The following POU6F2 variants were observed in gnomAD, a reference collection of about 807,000 sequenced individuals.
POU6F2 encodes POU domain, class 6, transcription factor 2.
In POU6F2, 31 loss-of-function variants were observed where a neutral mutation model predicts 71.3. The ratio of observed to expected loss-of-function variants is 0.43; its 90% CI spans 0.33 to 0.59. POU6F2 has a LOEUF of 0.59. Among genes scored for constraint, POU6F2 ranks in the 20% least tolerant of loss-of-function variants. The probability of loss-of-function intolerance (pLI) is 0.04; values close to 1 mark genes in which losing one functional copy is unlikely to be tolerated. For synonymous variants in POU6F2, 347 were observed against 355.7 expected, an observed-to-expected ratio of 0.98 and a Z score of 0.27; for missense variants, 783 against 856.8, an observed-to-expected ratio of 0.91 and a Z score of 1.07.
chr7:39,187,906 A>G (rs10235824), intron 2 of POU6F2, among the ~76,000 whole-genome samples: 141,289 of 152,254 alleles, frequency 0.93, 65,673 homozygotes, highest in East Asian at 1. Flanking sequence ...CTTACATATT[A>G]GCCATATGAG....
chr7:39,394,393 G>A (rs555099904), intron 5 of POU6F2, among the ~76,000 whole-genome samples: 2 of 152,252 alleles, frequency 1.3e-5, no homozygotes, highest in African/African-American at 2.4e-5. Flanking sequence ...TTCCTGGGCT[G>A]CAAAGCTGTT....
chr7:39,269,769 CTT>C (rs1393876314), intron 4 of POU6F2, among the ~76,000 whole-genome samples: 1 of 152,152 alleles, frequency 6.6e-6, no homozygotes, highest in Non-Finnish European at 1.5e-5. Flanking sequence ...GGGAAACCCT[CTT>C]TTGTGTATTG....
At chr7:39,388,703 A>G (rs1344298508) in intron 5 of POU6F2, among the ~76,000 whole-genome samples, 1 of 152,230 alleles carries the variant, frequency 6.6e-6, no homozygotes, top group Non-Finnish European at 1.5e-5. Context: ...CTTCTGAGAA[A>G]AACAAAAATC....
At chr7:39,425,947 G>A (rs1441913013) in intron 6 of POU6F2, among the ~76,000 whole-genome samples, 1 of 152,166 alleles carries the variant, frequency 6.6e-6, no homozygotes, top group Non-Finnish European at 1.5e-5. Flanking sequence ...GGGTATCTCA[G>A]GTAACACAAT....
intron 1 of POU6F2, among the ~76,000 whole-genome samples, chr7:39,078,070 T>C (rs1284682188): frequency 6.6e-6 from 1 of 152,220 alleles, no homozygotes; most frequent in Non-Finnish European, 1.5e-5. Flanking sequence ...AGTGAGGGTT[T>C]GCTACATCGT....
At chr7:39,179,119 C>T (rs901415217) in intron 2 of POU6F2, among the ~76,000 whole-genome samples, 6 of 152,136 alleles carry the variant, frequency 3.9e-5, no homozygotes, top group Admixed American at 3.3e-4. Flanking sequence ...CTTATTATAG[C>T]ATTATCAGTC....
intron 1 of POU6F2, among the ~76,000 whole-genome samples, chr7:38,982,344 T>C (rs1418095383): frequency 6.6e-6 from 1 of 152,194 alleles, no homozygotes; most frequent in Non-Finnish European, 1.5e-5. Flanking sequence ...CAAGGTATTA[T>C]GGATGGATGG....
intron 2 of POU6F2, among the ~76,000 whole-genome samples, chr7:39,124,034 T>C (rs932300052): frequency 6.9e-6 from 1 of 145,712 alleles, no homozygotes; most frequent in Non-Finnish European, 1.5e-5. Context: ...ACTTTCCTCA[T>C]CCATAGACTG....
intron 1 of POU6F2, chr7:39,006,959 A>G: frequency 1.5e-6 from 2 of 1,319,252 alleles, no homozygotes; most frequent in Non-Finnish European, 2.2e-6. Context: ...GAGGGAAATA[A>G]TTGTCATGTT....
At chr7:39,308,510 G>A (rs765224671) in intron 4 of POU6F2, among the ~76,000 whole-genome samples, 11 of 152,166 alleles carry the variant, frequency 7.2e-5, no homozygotes, top group Admixed American at 6.5e-4. Context: ...TAGAACCCAC[G>A]GAAAGTTGGT....
chr7:39,359,809 T>A (rs892265480), intron 5 of POU6F2, among the ~76,000 whole-genome samples: 6 of 152,162 alleles, frequency 3.9e-5, no homozygotes, highest in African/African-American at 1.4e-4. Context: ...AAATTAAAGG[T>A]TATTGCATGC....
intron 4 of POU6F2, among the ~76,000 whole-genome samples, chr7:39,249,904 G>A (rs1783884154): frequency 6.6e-6 from 1 of 152,132 alleles, no homozygotes; most frequent in African/African-American, 2.4e-5. Flanking sequence ...CATAAATTTT[G>A]CATGAGCCTT....
Position 39,204,315 on chromosome 7 carries a change from G to C in POU6F2, c.358G>C (p.Val120Leu), listed in dbSNP as rs1180851885. 1 of 1,613,310 alleles carries C rather than the reference G, an allele frequency of 6.2e-7. No individual in the cohort carries two copies. The part of the protein sequence containing the change: ...QASQTHPPFP[V>L]GPQPLLTAQQ... ...CAGTCAGACCCACCCCCCATTTCCA[G>C]TTGGGCCACAGGTCAGTATCTCTCA... The change falls in exon 3 of 10, where the codon GTT becomes CTT. Residue 120 changes from valine to leucine, a missense_variant. Physicochemically the swap from Val to Leu is conservative, Grantham distance 32. Around this residue, in one of 2 missense-constraint regions of POU6F2, gnomAD observed 572 missense variants for 572.9 expected, o/e 1.00. Coordinates refer to ENST00000518318, the MANE Select transcript of POU6F2 (RefSeq NM_001370959.1).
At chr7:39,376,122 T>G (rs1786705612) in intron 5 of POU6F2, among the ~76,000 whole-genome samples, 1 of 152,206 alleles carries the variant, frequency 6.6e-6, no homozygotes, top group African/African-American at 2.4e-5. Context: ...GTGCTTTCAA[T>G]AATTGTCCTC....
chr7:39,048,498 T>C (rs1584516605), intron 1 of POU6F2, among the ~76,000 whole-genome samples: 1 of 151,948 alleles, frequency 6.6e-6, no homozygotes, highest in East Asian at 1.9e-4. Flanking sequence ...AGCTCCATAT[T>C]GCTGCAATGG....
intron 2 of POU6F2, among the ~76,000 whole-genome samples, chr7:39,161,726 T>A (rs1354714670): frequency 1.3e-5 from 2 of 152,082 alleles, no homozygotes; most frequent in Non-Finnish European, 2.9e-5. Context: ...ACAAAAGCGG[T>A]ACTATGCAAA....
intron 1 of POU6F2, among the ~76,000 whole-genome samples, chr7:39,016,541 A>G (rs1046563423): frequency 3.9e-5 from 6 of 152,052 alleles, no homozygotes; most frequent in African/African-American, 1.4e-4. Flanking sequence ...AAAAGGTTAA[A>G]AACAATATAG....
intron 2 of POU6F2, among the ~76,000 whole-genome samples, chr7:39,148,250 T>G (rs1196011403): frequency 6.6e-6 from 1 of 152,206 alleles, no homozygotes; most frequent in East Asian, 1.9e-4. Flanking sequence ...TTCTTGAGAA[T>G]TGACAGGATT....
At chr7:39,020,209 C>T (rs1326231218) in intron 1 of POU6F2, among the ~76,000 whole-genome samples, 1 of 152,150 alleles carries the variant, frequency 6.6e-6, no homozygotes, top group East Asian at 1.9e-4. Flanking sequence ...AAGATTTCCT[C>T]AGGCAGGCCC....
Sources: allele counts gnomAD v4.1 joint callset (sites outside exome capture counted in the v4.1 genomes callset), GRCh38; gene constraint gnomAD v4.1.1; regional missense constraint gnomAD v4.1.1; transcripts MANE v1.5; gene names NCBI Gene and HGNC (gene_info 2026-07-23, HGNC 2026-07-21).